The following HPSE2 variants were observed in gnomAD, a reference collection of about 807,000 sequenced individuals.
HPSE2 encodes heparanase 2 (inactive).
In HPSE2, 38 loss-of-function variants were observed where a neutral mutation model predicts 60.5. The observed-to-expected ratio is 0.63, with a 90% CI of 0.48 to 0.82. The LOEUF (loss-of-function observed/expected upper bound fraction) is 0.82. Ranked by LOEUF, HPSE2 falls within the 40% of genes least tolerant of loss-of-function variation. The pLI is 0.00. For missense variants in HPSE2, 713 were observed against 740.4 expected (o/e 0.96, Z 0.43); for synonymous variants, 295 against 293.2 (o/e 1.01, Z -0.06).
intron 4 of HPSE2, among the ~76,000 whole-genome samples, chr10:98,734,689 TC>T (rs1949306584): frequency 6.6e-6 from 1 of 152,186 alleles, no homozygotes; most frequent in Admixed American, 6.5e-5. Context: ...TCCAAAATAT[TC>T]TTTTAACTGC....
intron 5 of HPSE2, among the ~76,000 whole-genome samples, chr10:98,708,965 C>T (rs188771943): frequency 7.2e-5 from 11 of 152,288 alleles, no homozygotes; most frequent in Admixed American, 2.0e-4. Flanking sequence ...TTCTCCCTGC[C>T]CCCATGAACC....
chr10:98,503,964 T>C (rs1942110731), intron 9 of HPSE2, among the ~76,000 whole-genome samples: 1 of 152,124 alleles, frequency 6.6e-6, no homozygotes, highest in Admixed American at 6.5e-5. Context: ...ACTAAAGAAC[T>C]TACTCATGTA....
intron 6 of HPSE2, among the ~76,000 whole-genome samples, chr10:98,686,663 C>T (rs1438730004): frequency 6.6e-6 from 1 of 152,168 alleles, no homozygotes; most frequent in Non-Finnish European, 1.5e-5. Context: ...TTGCAGCCTC[C>T]CAAGTAGCTG....
intron 3 of HPSE2, among the ~76,000 whole-genome samples, chr10:98,773,604 C>A (rs1482942958): frequency 6.6e-6 from 1 of 152,130 alleles, no homozygotes; most frequent in African/African-American, 2.4e-5. Flanking sequence ...GACTAAAAAT[C>A]TCCACTTCTA....
intron 2 of HPSE2, among the ~76,000 whole-genome samples, chr10:99,190,633 G>A (rs1417680533): frequency 6.6e-6 from 1 of 152,146 alleles, no homozygotes; most frequent in Non-Finnish European, 1.5e-5. Context: ...AAAATGGAGA[G>A]GAGGAGGCAG....
chr10:99,232,454 G>A lies in HPSE2; in HGVS notation c.342C>T (p.Arg114=). The stretch of plus-strand genomic sequence containing the variant: ...GGAAGTCGGTCCTTTTGCCCCCGAA[G>A]CGCAGAAAGGCGGGCGAAAGTCCCC... ...LARGLSPAFL[R]FGGKRTDFLQ... Residue 114 remains arginine, a synonymous_variant, in exon 2 of 12, where the codon CGC becomes CGT. Transcript: ENST00000370552. 1 of 1,558,726 alleles carries A rather than the reference G, an allele frequency of 6.4e-7. No homozygotes were observed. Among genetic ancestry groups the A allele is most frequent in the East Asian group, 2.4e-5 (1 of 41,706 alleles).
chr10:98,753,672 TG>T (rs1369699873), intron 3 of HPSE2, among the ~76,000 whole-genome samples: 5 of 152,144 alleles, frequency 3.3e-5, no homozygotes, highest in African/African-American at 1.2e-4. Context: ...TGCTTAACCT[TG>T]GGGGCCGGAG....
chr10:98,908,046 G>C (rs933710239), intron 3 of HPSE2, among the ~76,000 whole-genome samples: 57 of 152,142 alleles, frequency 3.7e-4, no homozygotes, highest in Non-Finnish European at 1.2e-4. Context: ...ATACCAAAGT[G>C]AAAGCATAAG....
chr10:99,096,621 C>T (rs1280272488), intron 3 of HPSE2, among the ~76,000 whole-genome samples: 1 of 152,042 alleles, frequency 6.6e-6, no homozygotes, highest in Non-Finnish European at 1.5e-5. Flanking sequence ...AGGGATAATC[C>T]ATATCATTGG....
intron 9 of HPSE2, among the ~76,000 whole-genome samples, chr10:98,607,982 TTGAG>T (rs1945641345): frequency 6.6e-6 from 1 of 152,230 alleles, no homozygotes; most frequent in South Asian, 2.1e-4. Context: ...TTAACATTTA[TTGAG>T]TATTTACTAT....
intron 3 of HPSE2, among the ~76,000 whole-genome samples, chr10:98,909,688 T>C (rs1253871290): frequency 6.6e-6 from 1 of 151,938 alleles, no homozygotes; most frequent in Admixed American, 6.6e-5. Flanking sequence ...GCATGACTTT[T>C]AACTCAGTAA....
chr10:98,532,068 C>T (rs1170723402), intron 9 of HPSE2, among the ~76,000 whole-genome samples: 1 of 152,036 alleles, frequency 6.6e-6, no homozygotes, highest in East Asian at 1.9e-4. Context: ...ATTCAGAACT[C>T]TTTATCTGGA....
rs144189200 is a variant in HPSE2 at position 98,719,162 on chromosome 10, C to T, written c.956+2495G>A. On this transcript the variant is annotated intron_variant, in intron 5 of 11. Coordinates refer to ENST00000370552, the MANE Select transcript of HPSE2 (RefSeq NM_021828.5). ...ATTACAATTATGCATACTGTTTTTA[C>T]GTTAGATGACCTTAAAATCAGTTGT... 8.8e-3 allele frequency among the ~76,000 whole-genome samples: 1,344 copies of T among 152,086 alleles called. 14 individuals carry two copies. Among genetic ancestry groups the T allele is most frequent in the Non-Finnish European group, 0.01 (682 of 67,984 alleles).
chr10:98,813,475 C>G (rs1251644205), intron 3 of HPSE2, among the ~76,000 whole-genome samples: 1 of 152,142 alleles, frequency 6.6e-6, no homozygotes, highest in Non-Finnish European at 1.5e-5. Context: ...AATTGCTGAT[C>G]TTAGAAACCC....
At chr10:98,460,128 A>G (rs1017667800) in intron 11 of HPSE2, among the ~76,000 whole-genome samples, 1 of 152,208 alleles carries the variant, frequency 6.6e-6, no homozygotes, top group African/African-American at 2.4e-5. Context: ...TTTAAAAATC[A>G]CAATATCAGC....
intron 10 of HPSE2, among the ~76,000 whole-genome samples, chr10:98,487,623 G>A (rs1941489357): frequency 6.6e-6 from 1 of 152,208 alleles, no homozygotes; most frequent in Admixed American, 6.5e-5. Context: ...GGAGTGCAGG[G>A]GTTGTTATTT....
At chr10:99,102,550 G>A (rs1354925123) in intron 3 of HPSE2, among the ~76,000 whole-genome samples, 3 of 152,028 alleles carry the variant, frequency 2.0e-5, no homozygotes, top group Admixed American at 6.6e-5. Flanking sequence ...TTCTACCAGC[G>A]GTACAAGGAG....
chr10:98,898,837 AC>A (rs1354606811), intron 3 of HPSE2, among the ~76,000 whole-genome samples: 3 of 152,222 alleles, frequency 2.0e-5, no homozygotes, highest in Admixed American at 6.5e-5. Flanking sequence ...CCAGAAATAA[AC>A]AAAACTTATT....
intron 3 of HPSE2, among the ~76,000 whole-genome samples, chr10:98,908,683 CAAAAAAAAAAAAAAA>C (rs35913499): frequency 1.8e-4 from 12 of 66,106 alleles, no homozygotes; most frequent in Non-Finnish European, 2.4e-4. Context: ...AGCTCCATCT[CAAAAAAAAAAAAAAA>C]AAAAAAAAAA....
Sources: allele counts gnomAD v4.1 joint callset (sites outside exome capture counted in the v4.1 genomes callset), GRCh38; gene constraint gnomAD v4.1.1; transcripts MANE v1.5; gene names NCBI Gene and HGNC (gene_info 2026-07-23, HGNC 2026-07-21).